HMOX2: variants seen among roughly 807,000 people sequenced by gnomAD.
HMOX2 encodes heme oxygenase (decycling) 2.
In HMOX2, 30 loss-of-function variants were observed where a neutral mutation model predicts 33.7. The observed-to-expected ratio is 0.89, with a 90% CI of 0.67 to 1.21. HMOX2 has a LOEUF of 1.21. HMOX2 is among the 50% of genes most tolerant of loss of function. The pLI, the probability that HMOX2 is intolerant of heterozygous loss-of-function variation, is 0.00. For missense variants in HMOX2, 403 were observed against 399.1 expected (o/e 1.01, Z -0.08); for synonymous variants, 155 against 155.0 (o/e 1.00, Z 0.00).
In HMOX2 at chr16:4,505,561, G is replaced by C; in HGVS notation, c.37G>C (p.Glu13Gln). ...AEVETSEGVD[E>Q]SEKKNSGALE... The stretch of plus-strand genomic sequence containing the variant: ...AGTGGAAACCTCAGAGGGGGTAGAC[G>C]AGTCAGAAAAAAAGAACTCTGGGGC... The change falls in exon 2 of 6, where the codon GAG (glutamate) becomes CAG (glutamine). Residue 13 changes from glutamate (E) to glutamine (Q), a missense_variant. Coordinates refer to ENST00000570646, the MANE Select transcript of HMOX2 (RefSeq NM_002134.4). The C allele has an allele frequency of 6.2e-7, 1 of 1,606,662 alleles. No individual in the cohort carries two copies. The highest frequency in any genetic ancestry group is 8.5e-7 in the Non-Finnish European group (1 of 1,176,142).
chr16:4,495,977 C>G (rs2058408101), intron 1 of HMOX2: 1 of 152,208 alleles, frequency 6.6e-6, no homozygotes, highest in Non-Finnish European at 1.5e-5. Flanking sequence ...AAAAATAGAT[C>G]TCACCAGGGA....
At chr16:4,479,771 C>G (rs917314310) in intron 1 of HMOX2, among the ~76,000 whole-genome samples, 3 of 114,558 alleles carry the variant, frequency 2.6e-5, no homozygotes, top group African/African-American at 7.0e-5. Flanking sequence ...GACAGTCTTG[C>G]TCTGTCACCC....
At chr16:4,488,957 C>T (rs1016300135) in intron 1 of HMOX2, among the ~76,000 whole-genome samples, 1 of 151,968 alleles carries the variant, frequency 6.6e-6, no homozygotes, top group Admixed American at 6.6e-5. Context: ...TCCTGAGTAG[C>T]TGGGATGACA....
chr16:4,490,687 C>G (rs758676411), intron 1 of HMOX2, among the ~76,000 whole-genome samples: 2 of 152,290 alleles, frequency 1.3e-5, no homozygotes, highest in African/African-American at 2.4e-5. Context: ...CAAGCTGCCT[C>G]TAATAGCTTC....
In HMOX2 at chr16:4,509,954, G is replaced by A. The variant is rs1433298710; in HGVS notation, c.*198G>A. 1.6e-6 allele frequency: 1 copy of A among 633,016 alleles called. No individual in the cohort carries two copies. Among genetic ancestry groups the A allele is most frequent in the Admixed American group, 2.9e-5 (1 of 33,910 alleles). The allele number at this position is 633,016 out of a possible 1,614,324, so 39.2% of individuals were successfully genotyped here. Reference sequence around the variant, plus strand: ...TGGGCCATATTCCGCACTGGGCACAGGCCGTCACCCTGGGAGCAGTCGGCA... The same window carrying A: ...TGGGCCATATTCCGCACTGGGCACAAGCCGTCACCCTGGGAGCAGTCGGCA... On this transcript the variant is annotated 3_prime_UTR_variant, in exon 6 of 6. Coordinates refer to ENST00000570646, the MANE Select transcript of HMOX2 (RefSeq NM_002134.4).
At chr16:4,497,413 G>A (rs2058448857) in intron 1 of HMOX2, among the ~76,000 whole-genome samples, 3 of 152,060 alleles carry the variant, frequency 2.0e-5, no homozygotes, top group Admixed American at 6.6e-5. Context: ...CACCCCTCCC[G>A]CTCCTGGTGC....
At position 4,483,160 on chromosome 16, in the gene HMOX2, G is replaced by GGT. The variant is rs35532266; in HGVS notation, c.-42+6736_-42+6737dup. Among the ~76,000 whole-genome samples the GGT allele has an allele frequency of 4.2e-3, 557 of 131,752 alleles. 5 individuals carry two copies. The highest frequency in any genetic ancestry group is 8.3e-3 in the Admixed American group (108 of 12,938). The allele number at this position is 131,752 out of a possible 152,430, so 86.4% of individuals were successfully genotyped here. ...CTATCCTGAAGCTAATGCAAACCCTGGTGTGTGTGTGTGTGTGTGTGTGTG... is the reference window on the plus strand; with the variant it reads ...CTATCCTGAAGCTAATGCAAACCCTGGTGTGTGTGTGTGTGTGTGTGTGTGTG... On this transcript the variant is annotated intron_variant, in intron 1 of 5. Transcript: ENST00000570646.
intron 1 of HMOX2, among the ~76,000 whole-genome samples, chr16:4,489,396 C>T (rs1311756870): frequency 2.6e-5 from 4 of 152,088 alleles, no homozygotes; most frequent in African/African-American, 4.8e-5. Context: ...TCAAGTGATC[C>T]GCCTCAGCCT....
intron 2 of HMOX2, among the ~76,000 whole-genome samples, chr16:4,506,000 C>T (rs2058682386): frequency 6.6e-6 from 1 of 152,202 alleles, no homozygotes; most frequent in African/African-American, 2.4e-5. Context: ...TGTATAGGGA[C>T]AGCTCATGCT....
At position 4,493,576 on chromosome 16, in the gene HMOX2, G is replaced by C. The variant is rs184266914; in HGVS notation, c.-41-11908G>C. ...AGAACCAGGGTTTGCTCTTGGTTGT[G>C]CCTTTCTACAGCCTGTGCCTTAACC... On this transcript the variant is annotated intron_variant, in intron 1 of 5. Transcript: ENST00000570646. Among the ~76,000 whole-genome samples, 66 of 152,354 alleles carry C rather than the reference G, an allele frequency of 4.3e-4. No homozygotes were observed. In the East Asian group the frequency reaches 0.012, roughly 28 times the overall value.
chr16:4,482,344 C>CA (rs1158833827), intron 1 of HMOX2, among the ~76,000 whole-genome samples: 8 of 152,022 alleles, frequency 5.3e-5, no homozygotes, highest in Admixed American at 1.3e-4. Flanking sequence ...TTGAGAAAGG[C>CA]AAAAAAACCC....
chr16:4,497,088 C>T (rs984446923), intron 1 of HMOX2, among the ~76,000 whole-genome samples: 2 of 152,162 alleles, frequency 1.3e-5, no homozygotes, highest in African/African-American at 4.8e-5. Flanking sequence ...AATGACAGTT[C>T]TGCATATGCA....
At chr16:4,481,530 A>T (rs148047136) in intron 1 of HMOX2, among the ~76,000 whole-genome samples, 2 of 152,120 alleles carry the variant, frequency 1.3e-5, no homozygotes. Context: ...GGGTATTTGA[A>T]ATCAGAATTG....
Position 4,507,949 on chromosome 16 carries a change from GCTA to G in HMOX2, c.444_446del (p.Leu149del). 1 of 1,613,984 alleles carries G rather than the reference GCTA, an allele frequency of 6.2e-7. No individual in the cohort carries two copies. Among genetic ancestry groups the G allele is most frequent in the Non-Finnish European group, 8.5e-7 (1 of 1,179,948 alleles). On this transcript the variant is annotated inframe_deletion, in exon 4 of 6. Transcript: ENST00000570646. Reference sequence around the variant, plus strand: ...ACTACATAGGGCAGAACGAGCCGGAGCTACTGGTGGCCCATGCATACACCCGCT... The same window carrying G: ...ACTACATAGGGCAGAACGAGCCGGAGCTGGTGGCCCATGCATACACCCGCT...
chr16:4,501,972 C>T (rs538213105), intron 1 of HMOX2, among the ~76,000 whole-genome samples: 10 of 152,302 alleles, frequency 6.6e-5, no homozygotes, highest in African/African-American at 2.2e-4. Flanking sequence ...CTTGAGAACT[C>T]AGTATTCTTC....
chr16:4,491,560 G>A (rs2058306457), intron 1 of HMOX2, among the ~76,000 whole-genome samples: 1 of 152,012 alleles, frequency 6.6e-6, no homozygotes, highest in Non-Finnish European at 1.5e-5. Flanking sequence ...GCTGAGGTGG[G>A]AGGATCACTT....
intron 4 of HMOX2, 46 bp downstream of exon 4, chr16:4,508,250 T>G: frequency 6.4e-7 from 1 of 1,555,072 alleles, no homozygotes; most frequent in Non-Finnish European, 8.7e-7. Flanking sequence ...AGGGAAACTT[T>G]GACAGTGGTA....
intron 1 of HMOX2, among the ~76,000 whole-genome samples, chr16:4,486,400 A>G (rs1466125955): frequency 6.6e-6 from 1 of 152,190 alleles, no homozygotes; most frequent in Non-Finnish European, 1.5e-5. Context: ...TTAACTGGCT[A>G]GTGTGGGTGA....
intron 1 of HMOX2, among the ~76,000 whole-genome samples, chr16:4,500,287 C>G: frequency 6.6e-6 from 1 of 152,170 alleles, no homozygotes; most frequent in Non-Finnish European, 1.5e-5. Flanking sequence ...TCCTGATGCC[C>G]AACTGCAAGG....
Sources: gnomAD v4.1 joint callset for allele counts (sites outside exome capture counted in the v4.1 genomes callset) on GRCh38, gnomAD v4.1.1 for gene constraint, MANE v1.5 for transcripts, NCBI Gene and HGNC (gene_info 2026-07-23, HGNC 2026-07-21) for gene names.